The following PDGFD variants were observed in gnomAD, a reference collection of about 807,000 sequenced individuals.
PDGFD encodes platelet derived growth factor D, also known as platelet-derived growth factor D.
In PDGFD, 30 loss-of-function variants were observed where a neutral mutation model predicts 44.7. The ratio of observed to expected loss-of-function variants is 0.67; its 90% CI spans 0.50 to 0.91. PDGFD has a LOEUF of 0.91. PDGFD is among the 40% of genes least tolerant of loss of function. PDGFD has a pLI of 0.00. For missense variants in PDGFD, 445 were observed against 457.8 expected, an observed-to-expected ratio of 0.97 and a Z score of 0.25; for synonymous variants, 173 against 168.4, an observed-to-expected ratio of 1.03 and a Z score of -0.21.
At chr11:104,009,958 A>G (rs1859758698) in intron 1 of PDGFD, among the ~76,000 whole-genome samples, 1 of 152,128 alleles carries the variant, frequency 6.6e-6, no homozygotes, top group Non-Finnish European at 1.5e-5. Context: ...ACATGTTCCT[A>G]GTGAGAATTA....
chr11:104,126,040 G>A (rs1272097082), intron 1 of PDGFD, among the ~76,000 whole-genome samples: 1 of 149,240 alleles, frequency 6.7e-6, no homozygotes, highest in African/African-American at 2.5e-5. Flanking sequence ...CAGTAGCGGG[G>A]AAGGAGAGGG....
At chr11:104,119,920 ATAT>A (rs1250898160) in intron 1 of PDGFD, among the ~76,000 whole-genome samples, 1 of 135,798 alleles carries the variant, frequency 7.4e-6, no homozygotes, top group Non-Finnish European at 1.5e-5. Context: ...CAATTATTAT[ATAT>A]TATATAATTA....
intron 1 of PDGFD, among the ~76,000 whole-genome samples, chr11:104,005,328 A>C (rs1859684321): frequency 1.3e-5 from 2 of 152,222 alleles, no homozygotes; most frequent in Admixed American, 1.3e-4. Flanking sequence ...TACTATAGAA[A>C]GTGTTCTTCC....
chr11:103,929,217 G>A (rs1858363015), intron 5 of PDGFD, among the ~76,000 whole-genome samples: 1 of 152,180 alleles, frequency 6.6e-6, no homozygotes, highest in Non-Finnish European at 1.5e-5. Context: ...AACTGGAATT[G>A]AAGCCTTTCC....
intron 3 of PDGFD, among the ~76,000 whole-genome samples, chr11:103,969,485 T>G (rs1332436824): frequency 6.7e-6 from 1 of 148,254 alleles, no homozygotes; most frequent in Non-Finnish European, 1.5e-5. Flanking sequence ...TTTTTTTTTT[T>G]TTTTTTTTTT....
intron 3 of PDGFD, among the ~76,000 whole-genome samples, chr11:103,973,394 G>A (rs546628659): frequency 3.3e-4 from 50 of 151,366 alleles, no homozygotes; most frequent in Admixed American, 1.7e-3. Context: ...AGATCTGCCC[G>A]TCTTGGCCTC....
At chr11:104,152,017 T>C (rs536314942) in intron 1 of PDGFD, among the ~76,000 whole-genome samples, 33 of 152,332 alleles carry the variant, frequency 2.2e-4, no homozygotes, top group African/African-American at 7.7e-4. Flanking sequence ...GTTTTCTCTC[T>C]TCAGCCAAAG....
chr11:104,114,292 G>C (rs771775716), intron 1 of PDGFD, among the ~76,000 whole-genome samples: 2 of 151,886 alleles, frequency 1.3e-5, no homozygotes, highest in Non-Finnish European at 2.9e-5. Flanking sequence ...TCTCTGTGTA[G>C]ATTCATTTTT....
At chr11:104,080,267 C>T (rs1053773238) in intron 1 of PDGFD, among the ~76,000 whole-genome samples, 2 of 152,044 alleles carry the variant, frequency 1.3e-5, no homozygotes, top group African/African-American at 4.8e-5. Flanking sequence ...TTAATCCCAA[C>T]AGGTGAATAA....
chr11:104,152,143 T>C (rs1862255829), intron 1 of PDGFD, among the ~76,000 whole-genome samples: 1 of 152,162 alleles, frequency 6.6e-6, no homozygotes, highest in Admixed American at 6.6e-5. Context: ...TTTTTTGTAG[T>C]TGGGTTTGGT....
At chr11:104,148,342 T>A (rs10791668) in intron 1 of PDGFD, among the ~76,000 whole-genome samples, 29,894 of 152,038 alleles carry the variant, frequency 0.2, 3,124 homozygotes, top group Middle Eastern at 0.3. Flanking sequence ...AATGATAATA[T>A]GTGTTGTTCC....
At chr11:104,007,482 A>G (rs2134372087) in intron 1 of PDGFD, among the ~76,000 whole-genome samples, 1 of 152,362 alleles carries the variant, frequency 6.6e-6, no homozygotes, top group Non-Finnish European at 1.5e-5. Flanking sequence ...TGCAAAAGGA[A>G]AATAGTTGTT....
At position 103,926,950 on chromosome 11, in the gene PDGFD, T is replaced by A. The variant is rs186868513; in HGVS notation, c.949A>T (p.Thr317Ser). ...TTCACGGTTTTCCCTGAATTGCATG[T>A]GCAGGACCTCCAGTTGACAGTTCCA... ...GCGTVNWRSC[T>S]CNSGKTVKKY... The change falls in exon 6 of 7, where the codon ACA (threonine) becomes TCA (serine). Residue 317 changes from threonine (T) to serine (S), a missense_variant. Coordinates refer to ENST00000393158, the MANE Select transcript of PDGFD (RefSeq NM_025208.5). 1.5e-5 allele frequency: 24 copies of A among 1,614,170 alleles called. No individual in the cohort carries two copies. In the African/African-American group the frequency reaches 3.1e-4, roughly 21 times the overall value.
chr11:104,129,485 T>C (rs1007323732), intron 1 of PDGFD, among the ~76,000 whole-genome samples: 7 of 152,158 alleles, frequency 4.6e-5, no homozygotes, highest in African/African-American at 1.7e-4. Flanking sequence ...GCAGGTTCTC[T>C]TTTTCATTTG....
chr11:103,923,326 A>G (rs1591077881), intron 6 of PDGFD, among the ~76,000 whole-genome samples: 1 of 152,330 alleles, frequency 6.6e-6, no homozygotes, highest in Admixed American at 6.5e-5. Context: ...TGCACAGTGA[A>G]AACCGCTCAA....
chr11:104,144,226 G>A (rs181710190), intron 1 of PDGFD, among the ~76,000 whole-genome samples: 3 of 152,208 alleles, frequency 2.0e-5, no homozygotes, highest in Non-Finnish European at 4.4e-5. Flanking sequence ...TCCAAATGCT[G>A]AAACAATTAC....
intron 1 of PDGFD, among the ~76,000 whole-genome samples, chr11:104,153,440 T>C (rs1034592332): frequency 2.0e-5 from 3 of 152,146 alleles, no homozygotes; most frequent in African/African-American, 2.4e-5. Flanking sequence ...ATGAGTAACA[T>C]TGCAGGGCTT....
intron 1 of PDGFD, among the ~76,000 whole-genome samples, chr11:104,032,730 G>A (rs1206665869): frequency 1.3e-5 from 2 of 150,990 alleles, no homozygotes; most frequent in Non-Finnish European, 3.0e-5. Context: ...ATAACTTTGG[G>A]GTTATTTACT....
At chr11:104,046,210 C>T (rs1799657809) in intron 1 of PDGFD, among the ~76,000 whole-genome samples, 1 of 147,770 alleles carries the variant, frequency 6.8e-6, no homozygotes, top group Admixed American at 6.8e-5. Flanking sequence ...ATCAATTGGA[C>T]ATCAGAAGCA....
Sources: gnomAD v4.1 joint callset for allele counts (sites outside exome capture counted in the v4.1 genomes callset) on GRCh38, gnomAD v4.1.1 for gene constraint, MANE v1.5 for transcripts, NCBI Gene and HGNC (gene_info 2026-07-23, HGNC 2026-07-21) for gene names.